The following C8orf34 variants were observed in gnomAD, a reference collection of about 807,000 sequenced individuals.
The protein encoded by C8orf34 is chromosome 8 open reading frame 34.
C8orf34 carries 65 observed loss-of-function variants against 68.3 expected under a neutral mutation model. The ratio of observed to expected loss-of-function variants is 0.95; its 90% CI spans 0.78 to 1.17. The LOEUF is 1.17. C8orf34 is among the 50% of genes most tolerant of loss of function. C8orf34 has a pLI of 0.00. For synonymous variants in C8orf34, 244 were observed against 241.2 expected (o/e 1.01, Z -0.11); for missense variants, 664 against 655.4 (o/e 1.01, Z -0.14).
At chr8:68,776,211 C>T (rs186538735) in intron 10 of C8orf34, among the ~76,000 whole-genome samples, 188 bp from the exon 11 acceptor site, 3 of 152,090 alleles carry the variant, frequency 2.0e-5, no homozygotes, top group Admixed American at 1.3e-4. Context: ...TGTTGTTTTG[C>T]AAAAACTCTT....
At chr8:68,420,017 A>T (rs1413786637) in intron 1 of C8orf34, among the ~76,000 whole-genome samples, 1 of 151,764 alleles carries the variant, frequency 6.6e-6, no homozygotes, top group Non-Finnish European at 1.5e-5. Flanking sequence ...AAAAAAAGAA[A>T]AGAAATTATC....
intron 1 of C8orf34, among the ~76,000 whole-genome samples, chr8:68,387,761 C>A (rs1289321768): frequency 6.6e-6 from 1 of 152,166 alleles, no homozygotes; most frequent in Non-Finnish European, 1.5e-5. Context: ...ATCTACCTAT[C>A]TCATCATTTA....
chr8:68,402,104 C>T (rs920589013), intron 1 of C8orf34, among the ~76,000 whole-genome samples: 1 of 152,042 alleles, frequency 6.6e-6, no homozygotes, highest in Non-Finnish European at 1.5e-5. Context: ...TTGGACTATT[C>T]AGGATTTCTG....
At chr8:68,500,035 G>T (rs35545877) in intron 5 of C8orf34, among the ~76,000 whole-genome samples, 53,428 of 151,964 alleles carry the variant, frequency 0.35, 10,072 homozygotes, top group Non-Finnish European at 0.43. Flanking sequence ...CTCTGGCCAT[G>T]TGAAATGGTG....
chr8:68,647,184 A>C (rs923229921), intron 8 of C8orf34, among the ~76,000 whole-genome samples: 1 of 152,224 alleles, frequency 6.6e-6, no homozygotes, highest in African/African-American at 2.4e-5. Context: ...AACAGATAAC[A>C]TGAAAAAATG....
intron 7 of C8orf34, among the ~76,000 whole-genome samples, chr8:68,616,314 A>G (rs1818211893): frequency 6.6e-6 from 1 of 151,746 alleles, no homozygotes; most frequent in Non-Finnish European, 1.5e-5. Flanking sequence ...GATTTTACTT[A>G]TTTCTTGCCT....
chr8:68,479,578 G>T (rs189440933), intron 4 of C8orf34, among the ~76,000 whole-genome samples: 60 of 152,252 alleles, frequency 3.9e-4, no homozygotes, highest in Non-Finnish European at 7.2e-4. Context: ...ATGGAGGTTG[G>T]GGATGGAGCC....
chr8:68,660,467 C>T (rs1819638302), intron 8 of C8orf34, among the ~76,000 whole-genome samples: 1 of 152,142 alleles, frequency 6.6e-6, no homozygotes, highest in African/African-American at 2.4e-5. Context: ...CCACATTTAC[C>T]CACACACTGT....
At chr8:68,483,518 G>A (rs903921870) in intron 4 of C8orf34, among the ~76,000 whole-genome samples, 1 of 152,114 alleles carries the variant, frequency 6.6e-6, no homozygotes, top group African/African-American at 2.4e-5. Flanking sequence ...GACAACTGAA[G>A]TACGATAGCA....
intron 10 of C8orf34, among the ~76,000 whole-genome samples, chr8:68,757,350 C>T (rs1047588236): frequency 6.6e-6 from 1 of 152,178 alleles, no homozygotes; most frequent in African/African-American, 2.4e-5. Context: ...AAAATGTTAG[C>T]CGGGCGCAGT....
chr8:68,510,182 A>G (rs998536084), intron 5 of C8orf34, among the ~76,000 whole-genome samples: 1 of 152,138 alleles, frequency 6.6e-6, no homozygotes, highest in Non-Finnish European at 1.5e-5. Context: ...TGCACTCCCT[A>G]TCGTAAGCCA....
chr8:68,601,128 T>A (rs1444765581), intron 7 of C8orf34, among the ~76,000 whole-genome samples: 1 of 152,184 alleles, frequency 6.6e-6, no homozygotes, highest in African/African-American at 2.4e-5. Flanking sequence ...TTTGAATTGG[T>A]GTTTCCCTAT....
intron 11 of C8orf34, among the ~76,000 whole-genome samples, chr8:68,778,873 C>A (rs898058629): frequency 2.6e-5 from 4 of 151,988 alleles, no homozygotes; most frequent in African/African-American, 9.7e-5. Context: ...AAATTTAATC[C>A]ATTTACAATA....
At chr8:68,730,024 G>A (rs1322901243) in intron 10 of C8orf34, among the ~76,000 whole-genome samples, 1 of 152,154 alleles carries the variant, frequency 6.6e-6, no homozygotes, top group Non-Finnish European at 1.5e-5. Flanking sequence ...GCAAAGTTGA[G>A]TGAATGAATT....
At chr8:68,782,955 C>G (rs1823723490) in intron 11 of C8orf34, among the ~76,000 whole-genome samples, 1 of 151,186 alleles carries the variant, frequency 6.6e-6, no homozygotes, top group Non-Finnish European at 1.5e-5. Flanking sequence ...GCCTGTAGTT[C>G]CAGCTACTCC....
intron 5 of C8orf34, among the ~76,000 whole-genome samples, chr8:68,495,043 A>G (rs1237775415): frequency 6.6e-6 from 1 of 151,666 alleles, no homozygotes; most frequent in Non-Finnish European, 1.5e-5. Flanking sequence ...AGCAAAAGTA[A>G]ACTTCAGTTA....
At chr8:68,400,867 CTA>C (rs1241290531) in intron 1 of C8orf34, among the ~76,000 whole-genome samples, 1 of 152,116 alleles carries the variant, frequency 6.6e-6, no homozygotes, top group Non-Finnish European at 1.5e-5. Flanking sequence ...CTTTTTGATT[CTA>C]TGTGAATTTT....
chr8:68,396,918 A>T (rs1452497518), intron 1 of C8orf34, among the ~76,000 whole-genome samples: 1 of 151,838 alleles, frequency 6.6e-6, no homozygotes, highest in Admixed American at 6.6e-5. Flanking sequence ...AACTCTTATA[A>T]ATACCCAGCT....
chr8:68,624,615 G>A (rs1326907209), intron 7 of C8orf34, among the ~76,000 whole-genome samples: 1 of 152,156 alleles, frequency 6.6e-6, no homozygotes, highest in Non-Finnish European at 1.5e-5. Flanking sequence ...GTATATCATG[G>A]TGTTGTGATC....
Sources: allele counts gnomAD v4.1 joint callset (sites outside exome capture counted in the v4.1 genomes callset), GRCh38; gene constraint gnomAD v4.1.1; transcripts MANE v1.5; gene names NCBI Gene and HGNC (gene_info 2026-07-23, HGNC 2026-07-21).